KCNJ6: variants seen among roughly 807,000 people sequenced by gnomAD.
The protein encoded by KCNJ6 is G protein-activated inward rectifier potassium channel 2.
KCNJ6 carries 9 observed loss-of-function variants against 34.2 expected under a neutral mutation model. The ratio of observed to expected loss-of-function variants is 0.26; its 90% CI spans 0.16 to 0.46. The LOEUF is 0.46. Ranked by LOEUF, KCNJ6 falls within the 20% of genes least tolerant of loss-of-function variation. KCNJ6 has a pLI of 1.00. For synonymous variants in KCNJ6, 196 were observed against 207.1 expected (o/e 0.95, Z 0.46); for missense variants, 236 against 531.3 (o/e 0.44, Z 5.46).
intron 2 of KCNJ6, among the ~76,000 whole-genome samples, chr21:37,721,848 G>C (rs1459634672): frequency 6.6e-6 from 1 of 152,174 alleles, no homozygotes; most frequent in Non-Finnish European, 1.5e-5. Context: ...GAGCAGGATG[G>C]GTTAGCCCAA....
At chr21:37,747,958 T>G (rs1231064834) in intron 2 of KCNJ6, among the ~76,000 whole-genome samples, 2 of 152,196 alleles carry the variant, frequency 1.3e-5, no homozygotes, top group Non-Finnish European at 2.9e-5. Flanking sequence ...GCCTGGAGAC[T>G]GAGTCACAGG....
At chr21:37,625,537 G>C (rs947173381) in intron 3 of KCNJ6, 53 bp from the exon 4 acceptor site, 2 of 1,387,076 alleles carry the variant, frequency 1.4e-6, no homozygotes, top group African/African-American at 2.9e-5. Context: ...GCTTTCCATG[G>C]CCAAGGAGTC....
intron 2 of KCNJ6, among the ~76,000 whole-genome samples, chr21:37,731,723 G>A (rs765117830): frequency 4.6e-5 from 7 of 152,206 alleles, no homozygotes; most frequent in Non-Finnish European, 7.3e-5. Flanking sequence ...CTCAGAGGAT[G>A]AGAGTATAGA....
intron 3 of KCNJ6, among the ~76,000 whole-genome samples, chr21:37,682,266 G>T (rs1045024423): frequency 6.6e-5 from 10 of 152,192 alleles, no homozygotes; most frequent in African/African-American, 2.4e-4. Flanking sequence ...CTAGAGGAAG[G>T]TCCTTTCTTG....
intron 3 of KCNJ6, among the ~76,000 whole-genome samples, chr21:37,698,253 T>A (rs1311996381): frequency 6.6e-6 from 1 of 152,204 alleles, no homozygotes; most frequent in East Asian, 1.9e-4. Context: ...ATGCAAATGA[T>A]CTCATCTCCT....
intron 1 of KCNJ6, among the ~76,000 whole-genome samples, chr21:37,864,031 G>A (rs2055609432): frequency 6.6e-6 from 1 of 151,894 alleles, no homozygotes; most frequent in African/African-American, 2.4e-5. Flanking sequence ...TGTGGGGCTT[G>A]AGGCCGGTTT....
At chr21:37,761,802 G>A (rs2055066614) in intron 2 of KCNJ6, among the ~76,000 whole-genome samples, 1 of 151,884 alleles carries the variant, frequency 6.6e-6, no homozygotes, top group Admixed American at 6.6e-5. Flanking sequence ...TGCATATGTT[G>A]TGTATAGTGT....
chr21:37,685,706 A>AAAAAAAAAAAC, intron 3 of KCNJ6, among the ~76,000 whole-genome samples: 1 of 51,042 alleles, frequency 2.0e-5, no homozygotes, highest in African/African-American at 5.5e-5. Context: ...AAAAAAAAAA[A>AAAAAAAAAAAC]AATCTATCCT....
chr21:37,806,866 T>C (rs1002176650), intron 2 of KCNJ6, among the ~76,000 whole-genome samples: 1 of 152,230 alleles, frequency 6.6e-6, no homozygotes, highest in African/African-American at 2.4e-5. Context: ...CTAAGGAATT[T>C]TTTGCATTCA....
At chr21:37,820,752 CTTA>C (rs1231785072) in intron 2 of KCNJ6, among the ~76,000 whole-genome samples, 2 of 152,110 alleles carry the variant, frequency 1.3e-5, no homozygotes, top group East Asian at 1.9e-4. Flanking sequence ...TTTTTGAAAG[CTTA>C]TTATTATTTT....
At chr21:37,851,363 A>T (rs1199072512) in intron 1 of KCNJ6, among the ~76,000 whole-genome samples, 1 of 152,234 alleles carries the variant, frequency 6.6e-6, no homozygotes, top group Non-Finnish European at 1.5e-5. Context: ...TCAATCTCTC[A>T]TCTGTGTCAA....
chr21:37,740,461 C>A (rs934474744), intron 2 of KCNJ6, among the ~76,000 whole-genome samples: 1 of 152,206 alleles, frequency 6.6e-6, no homozygotes. Flanking sequence ...CCATTGTCGA[C>A]TAGAAAACAT....
In KCNJ6 at chr21:37,697,259, A is replaced by T. The variant is rs538816314; in HGVS notation, c.946+16952T>A. 5.9e-5 allele frequency among the ~76,000 whole-genome samples: 9 copies of T among 152,290 alleles called. No individual in the cohort carries two copies. In the South Asian group the frequency reaches 1.9e-3, roughly 32 times the overall value. The stretch of plus-strand genomic sequence containing the variant: ...GGTGCTCCCCTTGCTGGGGAGAGCT[A>T]AACTGGTTTGAGGAGGGAGCACAGG... On this transcript the variant is annotated intron_variant, in intron 3 of 3. Coordinates refer to ENST00000609713, the MANE Select transcript of KCNJ6 (RefSeq NM_002240.5).
intron 3 of KCNJ6, among the ~76,000 whole-genome samples, chr21:37,694,690 T>A (rs530663140): frequency 6.6e-6 from 1 of 152,208 alleles, no homozygotes; most frequent in African/African-American, 2.4e-5. Flanking sequence ...TTGCGTAATG[T>A]CATGGACTGA....
intron 1 of KCNJ6, 83 bp from the exon 2 acceptor site, chr21:37,840,792 CTCTT>C: frequency 1.4e-6 from 1 of 713,378 alleles, no homozygotes; most frequent in Non-Finnish European, 2.4e-6. Context: ...AGCTATATCT[CTCTT>C]CCTTCTTTTT....
intron 1 of KCNJ6, among the ~76,000 whole-genome samples, chr21:37,909,052 T>C (rs1019064046): frequency 6.6e-6 from 1 of 152,192 alleles, no homozygotes; most frequent in African/African-American, 2.4e-5. Flanking sequence ...TTCTACATAA[T>C]CATCTACTCT....
chr21:37,842,426 G>T (rs1037050848), intron 1 of KCNJ6, among the ~76,000 whole-genome samples: 24 of 152,142 alleles, frequency 1.6e-4, no homozygotes, highest in African/African-American at 5.6e-4. Flanking sequence ...AAACTGGAAG[G>T]GTATGCTTTG....
At chr21:37,749,417 C>A (rs555656643) in intron 2 of KCNJ6, among the ~76,000 whole-genome samples, 4 of 152,256 alleles carry the variant, frequency 2.6e-5, no homozygotes, top group Admixed American at 2.0e-4. Flanking sequence ...GAATGGGGCA[C>A]CATGCAGGGA....
rs1214712095 is a variant in KCNJ6, at chr21:37,620,117, C to T, written c.*5042G>A. The stretch of plus-strand genomic sequence containing the variant: ...GAAAAAAAGTCATTCTTCTATATTG[C>T]CTAGGACTCTCTTAAGAGTACAGTA... On this transcript the variant is annotated 3_prime_UTR_variant, in exon 4 of 4. Transcript: ENST00000609713. 1 of 152,070 alleles carries T rather than the reference C, an allele frequency of 6.6e-6. No individual in the cohort carries two copies. Among genetic ancestry groups the T allele is most frequent in the Non-Finnish European group, 1.5e-5 (1 of 68,012 alleles). The allele number at this position is 152,070 out of a possible 1,614,324, so 9.4% of individuals were successfully genotyped here. A position where few individuals can be genotyped will look rare whatever the true frequency, so the allele number is the denominator to read the frequency against.
Sources: gnomAD v4.1 joint callset for allele counts (sites outside exome capture counted in the v4.1 genomes callset) on GRCh38, gnomAD v4.1.1 for gene constraint, MANE v1.5 for transcripts, NCBI Gene and HGNC (gene_info 2026-07-23, HGNC 2026-07-21) for gene names.